CDC16: variants seen among roughly 807,000 people sequenced by gnomAD.
The protein encoded by CDC16 is cell division cycle 16.
A neutral mutation model predicts 87.0 loss-of-function variants in CDC16; 34 were observed. The observed-to-expected ratio is 0.39, with a 90% CI of 0.30 to 0.52. The LOEUF is 0.52. CDC16 is among the 20% of genes least tolerant of loss of function. The probability of loss-of-function intolerance (pLI) is 0.74; values close to 1 mark genes in which losing one functional copy is unlikely to be tolerated. For synonymous variants in CDC16, 263 were observed against 260.6 expected, an observed-to-expected ratio of 1.01 and a Z score of -0.09; for missense variants, 653 against 751.9, an observed-to-expected ratio of 0.87 and a Z score of 1.54.
At chr13:114,261,783 C>A (rs2082876605) in intron 14 of CDC16, 104 bp from the exon 15 acceptor site, 2 of 732,200 alleles carry the variant, frequency 2.7e-6, no homozygotes, top group Non-Finnish European at 2.3e-6. Flanking sequence ...GCGGCACACA[C>A]TGGGAGAGAG....
intron 13 of CDC16, among the ~76,000 whole-genome samples, chr13:114,257,476 G>T (rs540342132): frequency 6.6e-6 from 1 of 152,306 alleles, no homozygotes; most frequent in Admixed American, 6.5e-5. Context: ...TGATTGGACA[G>T]TTCAGATTAC....
intron 1 of CDC16, among the ~76,000 whole-genome samples, chr13:114,235,470 G>C (rs532300395): frequency 1.3e-5 from 2 of 152,222 alleles, no homozygotes; most frequent in Non-Finnish European, 2.9e-5. Flanking sequence ...AAGTTGCAGG[G>C]CTAGCTAATA....
At chr13:114,245,881 A>G (rs2081840061) in intron 9 of CDC16, 119 bp from the exon 10 acceptor site, 1 of 640,918 alleles carries the variant, frequency 1.6e-6, no homozygotes, top group African/African-American at 1.9e-5. Context: ...AAGGAAAGAC[A>G]AGTATGAAAT....
rs576509219 is a variant in CDC16, at chr13:114,255,616, G to A, written c.1098-1462G>A. On this transcript the variant is annotated intron_variant, in intron 12 of 17. Coordinates refer to ENST00000356221, the MANE Select transcript of CDC16 (RefSeq NM_001078645.3). The stretch of plus-strand genomic sequence containing the variant: ...TAAAAAAAAAAAACCTGAAATCCCA[G>A]ACACTTCTGGTCTCAAGCATTTCTG... 1.5e-3 allele frequency among the ~76,000 whole-genome samples: 222 copies of A among 151,878 alleles called. 1 individual carries two copies. Among genetic ancestry groups the A allele is most frequent in the African/African-American group, 5.3e-3 (218 of 41,410 alleles).
intron 12 of CDC16, among the ~76,000 whole-genome samples, chr13:114,254,077 T>A (rs1210084166): frequency 6.6e-6 from 1 of 152,338 alleles, no homozygotes; most frequent in East Asian, 1.9e-4. Context: ...TACTTTTTTT[T>A]ATAAAGTCTG....
At chr13:114,250,348 C>T (rs966340513) in intron 11 of CDC16, among the ~76,000 whole-genome samples, 4 of 151,812 alleles carry the variant, frequency 2.6e-5, no homozygotes, top group Admixed American at 6.6e-5. Context: ...CAAAATTAGC[C>T]GGGCATGGTG....
chr13:114,257,060 A>G lies in CDC16; in HGVS notation c.1098-18A>G. On this transcript the variant is annotated intron_variant, in intron 12 of 17. Coordinates refer to ENST00000356221, the MANE Select transcript of CDC16 (RefSeq NM_001078645.3). ...ACAGTTTTTGGTGTTGAATATGTGA[A>G]ATTTTCCAATTTTTTAGGTGTCATT... is the stretch of plus-strand genomic sequence containing the variant. 1 of 1,512,524 alleles carries G rather than the reference A, an allele frequency of 6.6e-7. No individual in the cohort carries two copies. Among genetic ancestry groups the G allele is most frequent in the Non-Finnish European group, 9.0e-7 (1 of 1,114,368 alleles). 93.7% of individuals were successfully genotyped at this position (1,512,524 alleles called of 1,614,324 possible).
chr13:114,249,887 A>C lies in CDC16; in HGVS notation c.972-662A>C, dbSNP rs149999694. ...GCTGTGGATCTCCTCAAATTTCTTA[A>C]AATTTTGCTATACTATTAAACAGTT... is the stretch of plus-strand genomic sequence containing the variant. On this transcript the variant is annotated intron_variant, in intron 11 of 17. Transcript: ENST00000356221. 1.1e-3 allele frequency among the ~76,000 whole-genome samples: 171 copies of C among 152,306 alleles called. 1 individual carries two copies. The highest frequency in any genetic ancestry group is 4.0e-3 in the African/African-American group (165 of 41,572).
intron 16 of CDC16, among the ~76,000 whole-genome samples, chr13:114,264,475 G>T (rs2083063273): frequency 6.6e-6 from 1 of 151,952 alleles, no homozygotes; most frequent in South Asian, 2.1e-4. Context: ...TAGGAGACTT[G>T]CTTGAACCCG....
chr13:114,256,500 G>C (rs1003360280), intron 12 of CDC16, among the ~76,000 whole-genome samples: 1 of 152,160 alleles, frequency 6.6e-6, no homozygotes, highest in Non-Finnish European at 1.5e-5. Flanking sequence ...GATCCCAATC[G>C]TGTGAACAGA....
Position 114,238,981 on chromosome 13 carries a change from C to A in CDC16, c.202-9C>A, listed in dbSNP as rs1160235943. The A allele has an allele frequency of 6.2e-7, 1 of 1,607,658 alleles. No homozygotes were observed. Among genetic ancestry groups the A allele is most frequent in the Non-Finnish European group, 8.5e-7 (1 of 1,175,952 alleles). ...GACCACTACTTAAACAAATTAATTT[C>A]TTTCCTAGTTGTATGAAGCATGTCG... On this transcript the variant is annotated splice_polypyrimidine_tract_variant and intron_variant, in intron 3 of 17. Transcript: ENST00000356221.
At position 114,261,942 on chromosome 13, in the gene CDC16, A is replaced by G; in HGVS notation, c.1370A>G (p.Lys457Arg). Residue 457 changes from lysine to arginine, a missense_variant, in exon 15 of 18, where the codon AAA becomes AGA. Lys to Arg is a conservative substitution (Grantham distance 26). Transcript: ENST00000356221. ...AACAACTTGGGGCATGTCTGCAGAA[A>G]ACTTAAGTAAGTGAAGTAGAGCATT... ...LLNNLGHVCR[K>R]LKKYAEALDY... is the part of the protein sequence containing the mutation. The G allele has an allele frequency of 1.3e-6, 2 of 1,595,668 alleles. No individual in the cohort carries two copies. The highest frequency in any genetic ancestry group is 8.5e-7 in the Non-Finnish European group (1 of 1,169,602).
intron 12 of CDC16, among the ~76,000 whole-genome samples, chr13:114,254,878 CTGA>C (rs374005432): frequency 6.6e-6 from 1 of 152,304 alleles, no homozygotes; most frequent in African/African-American, 2.4e-5. Flanking sequence ...GACCTTCAGT[CTGA>C]TAAGAAGAAA....
chr13:114,235,366 A>G (rs1566627199), intron 1 of CDC16, among the ~76,000 whole-genome samples: 1 of 152,240 alleles, frequency 6.6e-6, no homozygotes, highest in African/African-American at 2.4e-5. Flanking sequence ...GGGGCGCCTC[A>G]GTCGGGTCTG....
chr13:114,244,927 C>T lies in CDC16; in HGVS notation c.805C>T (p.Pro269Ser). The change falls in exon 9 of 18, where the codon CCT becomes TCT. Residue 269 changes from proline (P) to serine (S), a missense_variant. Coordinates refer to ENST00000356221, the MANE Select transcript of CDC16 (RefSeq NM_001078645.3). Reference sequence around the variant, plus strand: ...AGATCCTTTCCATGCAAGTTGTTTACCTGTACATATAGGGACGCTTGTAGA... The same window carrying T: ...AGATCCTTTCCATGCAAGTTGTTTATCTGTACATATAGGGACGCTTGTAGA... Reference protein sequence around the residue: ...EKDPFHASCLPVHIGTLVELN... With the variant: ...EKDPFHASCLSVHIGTLVELN... The T allele has an allele frequency of 6.2e-7, 1 of 1,610,550 alleles. No individual in the cohort carries two copies.
chr13:114,264,844 G>C, intron 16 of CDC16: 3 of 222,518 alleles, frequency 1.3e-5, no homozygotes, highest in Non-Finnish European at 2.8e-5. Flanking sequence ...CTGAGCCCAG[G>C]TGATCCACCC....
At chr13:114,244,078 T>C (rs2081711429) in intron 8 of CDC16, 89 bp downstream of exon 8, 1 of 864,374 alleles carries the variant, frequency 1.2e-6, no homozygotes, top group Admixed American at 2.3e-5. Context: ...TGAATAATCT[T>C]GAACTAGATG....
Position 114,234,959 on chromosome 13 carries a change from G to C in CDC16, c.-126G>C, listed in dbSNP as rs1028500132. 6 of 636,698 alleles carry C rather than the reference G, an allele frequency of 9.4e-6. No homozygotes were observed. Among genetic ancestry groups the C allele is most frequent in the Non-Finnish European group, 6.7e-6 (3 of 444,966 alleles). 39.4% of individuals were successfully genotyped at this position (636,698 alleles called of 1,614,324 possible). On this transcript the variant is annotated 5_prime_UTR_variant, in exon 1 of 18. Transcript: ENST00000356221. Reference sequence around the variant, plus strand: ...GGGGACCTGCGGCCTTCGAGTCCGCGGCCTTCGAGTCCTGGGGCGGCGGCG... The same window carrying C: ...GGGGACCTGCGGCCTTCGAGTCCGCCGCCTTCGAGTCCTGGGGCGGCGGCG...
intron 12 of CDC16, among the ~76,000 whole-genome samples, chr13:114,252,861 T>C (rs1384243483): frequency 6.6e-6 from 1 of 152,196 alleles, no homozygotes; most frequent in Non-Finnish European, 1.5e-5. Flanking sequence ...AAGCTAGGTG[T>C]GGTAGCTCAC....
Sources: gnomAD v4.1 joint callset for allele counts (sites outside exome capture counted in the v4.1 genomes callset) on GRCh38, gnomAD v4.1.1 for gene constraint, MANE v1.5 for transcripts, NCBI Gene and HGNC (gene_info 2026-07-23, HGNC 2026-07-21) for gene names.